Variants in NRXN3 observed in about 807,000 individuals in gnomAD.
NRXN3 encodes the protein neurexin 3, also known as neurexin III.
NRXN3 carries 32 observed loss-of-function variants against 137.6 expected under a neutral mutation model. The observed-to-expected ratio is 0.23, with a 90% confidence interval of 0.18 to 0.31. The LOEUF (loss-of-function observed/expected upper bound fraction) is 0.31. Among genes scored for constraint, NRXN3 ranks in the 10% least tolerant of loss-of-function variants. The pLI is 1.00. For synonymous variants in NRXN3, 798 were observed against 784.5 expected, an observed-to-expected ratio of 1.02 and a Z score of -0.29; for missense variants, 1,574 against 2,062.5, an observed-to-expected ratio of 0.76 and a Z score of 4.59.
intron 4 of NRXN3, among the ~76,000 whole-genome samples, chr14:78,497,590 C>T (rs1490406821): frequency 7.3e-6 from 1 of 136,762 alleles, no homozygotes; most frequent in African/African-American, 3.3e-5. Context: ...ATTCATCCAT[C>T]CATCCATCCA....
intron 2 of NRXN3, among the ~76,000 whole-genome samples, chr14:78,258,276 T>C (rs77582555): frequency 0.01 from 1,576 of 152,228 alleles, 31 homozygotes; most frequent in African/African-American, 0.036. Context: ...GTTGTAGGAA[T>C]GTAGAACAGG....
chr14:78,847,566 T>A (rs1470330464), intron 10 of NRXN3, among the ~76,000 whole-genome samples: 1 of 152,086 alleles, frequency 6.6e-6, no homozygotes, highest in Non-Finnish European at 1.5e-5. Context: ...GTATGCCACT[T>A]CCTAGGGAAA....
intron 19 of NRXN3, among the ~76,000 whole-genome samples, chr14:79,753,785 C>T (rs2099007803): frequency 6.6e-6 from 1 of 152,064 alleles, no homozygotes. Flanking sequence ...CTGTCATTCT[C>T]ATATGCCTAA....
chr14:78,854,469 A>G (rs555874592), intron 10 of NRXN3, among the ~76,000 whole-genome samples: 1 of 152,302 alleles, frequency 6.6e-6, no homozygotes, highest in Non-Finnish European at 1.5e-5. Flanking sequence ...AGAGTGGGCC[A>G]TATTTCAGTG....
At chr14:79,539,526 C>A (rs2097252097) in intron 16 of NRXN3, among the ~76,000 whole-genome samples, 1 of 152,128 alleles carries the variant, frequency 6.6e-6, no homozygotes, top group Admixed American at 6.5e-5. Context: ...AAAGTATAAT[C>A]TAGGCCCTAT....
intron 19 of NRXN3, among the ~76,000 whole-genome samples, chr14:79,742,526 C>T (rs1396265480): frequency 6.6e-6 from 1 of 152,098 alleles, no homozygotes; most frequent in African/African-American, 2.4e-5. Context: ...CCTATATTAT[C>T]ATGTCAATCC....
intron 15 of NRXN3, among the ~76,000 whole-genome samples, chr14:79,030,635 CTTTTTTTTTTTTT>C: frequency 1.8e-5 from 1 of 54,236 alleles, no homozygotes; most frequent in Non-Finnish European, 3.2e-5. Context: ...TTCTCTGTGT[CTTTTTTTTTTTTT>C]TTTTTTTTTT....
At chr14:79,252,209 A>G (rs2076030982) in intron 15 of NRXN3, among the ~76,000 whole-genome samples, 1 of 152,156 alleles carries the variant, frequency 6.6e-6, no homozygotes, top group Non-Finnish European at 1.5e-5. Flanking sequence ...GTGTATCTGA[A>G]TGTCAAGGTG....
chr14:79,036,402 A>G lies in NRXN3; in HGVS notation c.3262+48261A>G, dbSNP rs554605750. 1.7e-4 allele frequency among the ~76,000 whole-genome samples: 26 copies of G among 152,158 alleles called. No individual in the cohort carries two copies. In the South Asian group the frequency reaches 5.0e-3, roughly 29 times the overall value. ...ACTTCACCATGGTGCTGGTGTATGTAGACTTGCGTGAGGGGGAGGACATGG... is the reference window on the plus strand; with the variant it reads ...ACTTCACCATGGTGCTGGTGTATGTGGACTTGCGTGAGGGGGAGGACATGG... On this transcript the variant is annotated intron_variant, in intron 15 of 20. Coordinates refer to ENST00000335750, the MANE Select transcript of NRXN3 (RefSeq NM_001330195.2).
intron 10 of NRXN3, among the ~76,000 whole-genome samples, chr14:78,817,491 T>C (rs2098937412): frequency 6.6e-6 from 1 of 152,172 alleles, no homozygotes; most frequent in Non-Finnish European, 1.5e-5. Flanking sequence ...TTGGTGTTGC[T>C]ATGATAGAAT....
At chr14:78,484,126 G>A (rs2095522913) in intron 4 of NRXN3, among the ~76,000 whole-genome samples, 6 of 152,056 alleles carry the variant, frequency 3.9e-5, no homozygotes, top group Admixed American at 3.9e-4. Flanking sequence ...CAGGTAGACT[G>A]CCAGGAATGC....
At chr14:79,236,564 A>G (rs1450116134) in intron 15 of NRXN3, among the ~76,000 whole-genome samples, 1 of 152,114 alleles carries the variant, frequency 6.6e-6, no homozygotes, top group African/African-American at 2.4e-5. Context: ...GAGAAATTAT[A>G]TCTCAGGGTA....
chr14:79,132,005 C>T (rs1284444749), intron 15 of NRXN3, among the ~76,000 whole-genome samples: 5 of 152,274 alleles, frequency 3.3e-5, no homozygotes, highest in Admixed American at 1.3e-4. Flanking sequence ...CTTGCGCTTC[C>T]CGAGTGAGGC....
intron 15 of NRXN3, among the ~76,000 whole-genome samples, chr14:79,450,316 G>A (rs2096145362): frequency 1.3e-5 from 2 of 151,990 alleles, no homozygotes; most frequent in African/African-American, 4.8e-5. Flanking sequence ...TTGGTCAAAG[G>A]GTACAAAATT....
chr14:79,617,321 G>T (rs1245293154), intron 16 of NRXN3, among the ~76,000 whole-genome samples: 1 of 151,062 alleles, frequency 6.6e-6, no homozygotes, highest in Non-Finnish European at 1.5e-5. Context: ...TTTCAAAAGT[G>T]TGCATCCCCA....
chr14:79,054,102 T>C (rs927583726), intron 15 of NRXN3, among the ~76,000 whole-genome samples: 1 of 135,506 alleles, frequency 7.4e-6, no homozygotes, highest in Non-Finnish European at 1.5e-5. Context: ...TAGGTAGGAA[T>C]TGAACAATGA....
In NRXN3 at chr14:79,706,469, G is replaced by T. The variant is rs2098779959; in HGVS notation, c.4014+8532G>T. Among the ~76,000 whole-genome samples the T allele has an allele frequency of 4.8e-5, 7 of 146,282 alleles. No individual in the cohort carries two copies. In the Admixed American group the frequency reaches 4.8e-4, roughly 10 times the overall value. ...TGTTGAGAAAAGGGCTTGTAGGGTGGTGCCTGCATAAACTGGCCATAAAAA... is the reference window on the plus strand; with the variant it reads ...TGTTGAGAAAAGGGCTTGTAGGGTGTTGCCTGCATAAACTGGCCATAAAAA... On this transcript the variant is annotated intron_variant, in intron 19 of 20. Coordinates refer to ENST00000335750, the MANE Select transcript of NRXN3 (RefSeq NM_001330195.2).
intron 15 of NRXN3, among the ~76,000 whole-genome samples, chr14:79,109,661 C>G (rs2053122746): frequency 6.6e-6 from 1 of 152,152 alleles, no homozygotes; most frequent in African/African-American, 2.4e-5. Context: ...CTCTCTCTTT[C>G]ATACATTATA....
chr14:79,684,466 C>G (rs904070438), intron 17 of NRXN3, among the ~76,000 whole-genome samples: 23 of 152,086 alleles, frequency 1.5e-4, no homozygotes, highest in African/African-American at 5.3e-4. Context: ...CATTCTTAGG[C>G]AAGGGGGTTC....
Sources: allele counts gnomAD v4.1 joint callset (sites outside exome capture counted in the v4.1 genomes callset), GRCh38; gene constraint gnomAD v4.1.1; transcripts MANE v1.5; gene names NCBI Gene and HGNC (gene_info 2026-07-23, HGNC 2026-07-21).